Variants in GRIN2A observed in about 807,000 individuals in gnomAD.
GRIN2A encodes glutamate receptor ionotropic, NMDA 2A.
GRIN2A carries 22 observed loss-of-function variants against 113.4 expected under a neutral mutation model. The ratio of observed to expected loss-of-function variants is 0.19; its 90% confidence interval spans 0.14 to 0.28. The LOEUF is 0.28. Ranked by LOEUF, GRIN2A falls within the 10% of genes least tolerant of loss-of-function variation. The pLI is 1.00. For missense variants in GRIN2A, 1,502 were observed against 1,887.0 expected, an observed-to-expected ratio of 0.80 and a Z score of 3.78; for synonymous variants, 827 against 738.4, an observed-to-expected ratio of 1.12 and a Z score of -1.94.
At chr16:9,915,447 T>A (rs1372603999) in intron 3 of GRIN2A, among the ~76,000 whole-genome samples, 1 of 152,180 alleles carries the variant, frequency 6.6e-6, no homozygotes, top group Non-Finnish European at 1.5e-5. Context: ...TACAAACAAG[T>A]ATTTTTCTGT....
chr16:10,089,976 A>T (rs1596493982), intron 2 of GRIN2A, among the ~76,000 whole-genome samples: 1 of 152,176 alleles, frequency 6.6e-6, no homozygotes, highest in East Asian at 1.9e-4. Flanking sequence ...TTGACATGGA[A>T]ATTTTCCCTA....
At chr16:9,886,659 G>A (rs557234251) in intron 4 of GRIN2A, among the ~76,000 whole-genome samples, 4 of 152,140 alleles carry the variant, frequency 2.6e-5, no homozygotes, top group African/African-American at 7.2e-5. Flanking sequence ...TCAAGGATAG[G>A]GCCTGGTACA....
chr16:9,999,641 G>A lies in GRIN2A; in HGVS notation c.415-61090C>T, dbSNP rs1048992074. On this transcript the variant is annotated intron_variant, in intron 2 of 12. Coordinates refer to ENST00000330684, the MANE Select transcript of GRIN2A (RefSeq NM_001134407.3). ...GCATTAGGAGAAACACCTAATGTAG[G>A]TGACAGGTTGATGAGCGCAGCAGAC... Among the ~76,000 whole-genome samples, 401 of 152,202 alleles carry A rather than the reference G, an allele frequency of 2.6e-3. 3 individuals carry two copies. The highest frequency in any genetic ancestry group is 9.2e-3 in the African/African-American group (382 of 41,532).
intron 2 of GRIN2A, among the ~76,000 whole-genome samples, chr16:10,124,961 G>C (rs977128614): frequency 1.3e-5 from 2 of 152,118 alleles, no homozygotes; most frequent in African/African-American, 4.8e-5. Flanking sequence ...TCCAGGCATA[G>C]GGAACCATGA....
chr16:9,928,274 C>T (rs2141600841), intron 3 of GRIN2A, among the ~76,000 whole-genome samples: 1 of 152,284 alleles, frequency 6.6e-6, no homozygotes, highest in Middle Eastern at 3.4e-3. Flanking sequence ...CGTTCTGCCT[C>T]TCTTGCTCCC....
At chr16:10,130,267 G>A (rs1052866018) in intron 2 of GRIN2A, among the ~76,000 whole-genome samples, 3 of 152,178 alleles carry the variant, frequency 2.0e-5, no homozygotes. Context: ...CAGGTTCAGG[G>A]AAACATTGAG....
At chr16:10,122,485 AC>A (rs1273887869) in intron 2 of GRIN2A, among the ~76,000 whole-genome samples, 2 of 152,158 alleles carry the variant, frequency 1.3e-5, no homozygotes, top group African/African-American at 4.8e-5. Flanking sequence ...TGCCTGGAGC[AC>A]GTGATCTTTT....
chr16:10,110,218 C>A (rs909720514), intron 2 of GRIN2A, among the ~76,000 whole-genome samples: 2 of 152,122 alleles, frequency 1.3e-5, no homozygotes, highest in African/African-American at 4.8e-5. Flanking sequence ...GCAGAGGCTA[C>A]AGGGTAAGAA....
At chr16:9,783,429 T>C (rs1344275551) in intron 11 of GRIN2A, among the ~76,000 whole-genome samples, 1 of 152,226 alleles carries the variant, frequency 6.6e-6, no homozygotes, top group African/African-American at 2.4e-5. Flanking sequence ...TAAATGAAAA[T>C]GAAATCTTTG....
chr16:9,784,068 A>G (rs1477781203), intron 11 of GRIN2A, among the ~76,000 whole-genome samples: 1 of 152,214 alleles, frequency 6.6e-6, no homozygotes, highest in African/African-American at 2.4e-5. Context: ...ACAAACCCCC[A>G]TGACACAAGT....
Position 10,122,969 on chromosome 16 carries a change from C to T in GRIN2A, c.414+57029G>A, listed in dbSNP as rs540223626. ...ATAAAATTCTCTTTTTTAAGGATTC[C>T]GATGTCTAAGAAAGCAGCCATGAGG... On this transcript the variant is annotated intron_variant, in intron 2 of 12. Coordinates refer to ENST00000330684, the MANE Select transcript of GRIN2A (RefSeq NM_001134407.3). Among the ~76,000 whole-genome samples, 100 of 152,132 alleles carry T rather than the reference C, an allele frequency of 6.6e-4. 2 individuals are homozygous for T. The South Asian group carries it at 0.019, about 28-fold the overall frequency.
At chr16:10,024,983 G>A (rs1782777838) in intron 2 of GRIN2A, among the ~76,000 whole-genome samples, 1 of 151,988 alleles carries the variant, frequency 6.6e-6, no homozygotes, top group Non-Finnish European at 1.5e-5. Flanking sequence ...TTGAAATGGA[G>A]ATAAGTCATG....
At chr16:10,015,437 C>T (rs1395511752) in intron 2 of GRIN2A, among the ~76,000 whole-genome samples, 1 of 151,894 alleles carries the variant, frequency 6.6e-6, no homozygotes, top group African/African-American at 2.4e-5. Context: ...CTTTGGAGAC[C>T]TACTTCCAGG....
In GRIN2A at chr16:9,834,469, C is replaced by T. The variant is rs535300180; in HGVS notation, c.1652-239G>A. On this transcript the variant is annotated intron_variant, in intron 7 of 12. Coordinates refer to ENST00000330684, the MANE Select transcript of GRIN2A (RefSeq NM_001134407.3). ...CAATTTCGACTTGCTGCAACCTCCG[C>T]CCCCCAGGTTCAAGCAATTCTCCTG... Among the ~76,000 whole-genome samples the T allele has an allele frequency of 2.0e-5, 3 of 152,232 alleles. No homozygotes were observed. The East Asian group carries it at 5.8e-4, about 29-fold the overall frequency.
intron 2 of GRIN2A, among the ~76,000 whole-genome samples, chr16:9,977,341 G>A (rs1369587290): frequency 6.6e-6 from 1 of 151,894 alleles, no homozygotes; most frequent in Non-Finnish European, 1.5e-5. Flanking sequence ...TTTGAATCCT[G>A]GGTTTATCAT....
intron 2 of GRIN2A, among the ~76,000 whole-genome samples, chr16:10,119,894 T>C (rs1217190419): frequency 1.3e-5 from 2 of 152,208 alleles, no homozygotes; most frequent in Non-Finnish European, 2.9e-5. Context: ...TCCATCCATG[T>C]TGCTGCAAAG....
chr16:10,065,848 A>AG (rs886911492), intron 2 of GRIN2A, among the ~76,000 whole-genome samples: 2 of 152,100 alleles, frequency 1.3e-5, no homozygotes, highest in South Asian at 2.1e-4. Flanking sequence ...AAACATTGGG[A>AG]GGGGGGGCGC....
rs538590130 is a variant in GRIN2A at position 10,025,420 on chromosome 16, G to T, written c.415-86869C>A. ...TGGGCTCAGGCATCCTCCTGCCTCA[G>T]CCTTCCAAGTAGCTGGGACTATAGG... On this transcript the variant is annotated intron_variant, in intron 2 of 12. Transcript: ENST00000330684. 5.1e-4 allele frequency among the ~76,000 whole-genome samples: 76 copies of T among 148,536 alleles called. 1 individual carries two copies. In the South Asian group the frequency reaches 0.016, roughly 31 times the overall value.
chr16:10,116,213 A>C (rs2048725793), intron 2 of GRIN2A, among the ~76,000 whole-genome samples: 1 of 152,196 alleles, frequency 6.6e-6, no homozygotes, highest in African/African-American at 2.4e-5. Context: ...ACAAACCAAC[A>C]CAGGAACAGA....
Sources: gnomAD v4.1 joint callset for allele counts (sites outside exome capture counted in the v4.1 genomes callset) on GRCh38, gnomAD v4.1.1 for gene constraint, MANE v1.5 for transcripts, NCBI Gene and HGNC (gene_info 2026-07-23, HGNC 2026-07-21) for gene names.